Variants in ZNF274 observed in about 807,000 individuals in gnomAD.
ZNF274 encodes neurotrophin receptor-interacting factor homolog.
A neutral mutation model predicts 42.5 loss-of-function variants in ZNF274; 23 were observed. That is an observed-to-expected ratio of 0.54 (90% CI 0.39 to 0.77). ZNF274 has a LOEUF of 0.77. Among genes scored for constraint, ZNF274 ranks in the 30% least tolerant of loss-of-function variants. ZNF274 has a pLI of 0.00. For synonymous variants in ZNF274, 292 were observed against 305.4 expected, an observed-to-expected ratio of 0.96 and a Z score of 0.46; for missense variants, 679 against 806.5, an observed-to-expected ratio of 0.84 and a Z score of 1.91.
chr19:58,185,862 A>G, intron 3 of ZNF274, 24 bp downstream of exon 3: 1 of 1,355,598 alleles, frequency 7.4e-7, no homozygotes. Flanking sequence ...CCAGGTCAAG[A>G]AGGATCTGTG....
intron 4 of ZNF274, among the ~76,000 whole-genome samples, chr19:58,205,004 C>T (rs1322002124): frequency 6.6e-6 from 1 of 152,190 alleles, no homozygotes; most frequent in Non-Finnish European, 1.5e-5. Flanking sequence ...TATTGGCAGT[C>T]ATCTAAGTCC....
rs977442641 is a variant in ZNF274, at chr19:58,213,249, G to A, written c.*106G>A. ...ACTGAATGTGAAAGGGAAGTATTGAGTGAGGACATTCCCAAAACCAAAGGA... is the reference window on the plus strand; with the variant it reads ...ACTGAATGTGAAAGGGAAGTATTGAATGAGGACATTCCCAAAACCAAAGGA... On this transcript the variant is annotated 3_prime_UTR_variant, in exon 8 of 8. Transcript: ENST00000617501. The A allele has an allele frequency of 7.0e-7, 1 of 1,437,118 alleles. No homozygotes were observed. Among genetic ancestry groups the A allele is most frequent in the African/African-American group, 1.4e-5 (1 of 70,310 alleles). The allele number at this position is 1,437,118 out of a possible 1,614,324, so 89.0% of individuals were successfully genotyped here.
At chr19:58,195,613 T>C (rs1261154292) in intron 4 of ZNF274, among the ~76,000 whole-genome samples, 2 of 152,170 alleles carry the variant, frequency 1.3e-5, no homozygotes, top group African/African-American at 2.4e-5. Context: ...CTCTGTGTGC[T>C]TCTCGAGCTT....
At chr19:58,194,052 C>T (rs921283351) in intron 4 of ZNF274, among the ~76,000 whole-genome samples, 37 of 152,202 alleles carry the variant, frequency 2.4e-4, no homozygotes, top group African/African-American at 8.7e-4. Flanking sequence ...TGCTTGAGGC[C>T]AGATGTTTGA....
rs750555731 is a variant in ZNF274, at chr19:58,213,135, A to T, written c.1954A>T (p.Thr652Ser). 2.5e-6 allele frequency: 4 copies of T among 1,607,404 alleles called. No homozygotes were observed. The highest frequency in any genetic ancestry group is 1.7e-4 in the Middle Eastern group (1 of 6,022). Residue 652 changes from threonine (T) to serine (S), a missense_variant, in exon 8 of 8, where the codon ACC becomes TCC. Thr to Ser is a moderately conservative substitution (Grantham distance 58, BLOSUM62 1). This residue lies in a region of ZNF274 where 456 missense variants were observed against 590.1 expected (regional missense o/e 0.77). Coordinates refer to ENST00000617501, the MANE Select transcript of ZNF274 (RefSeq NM_133502.3). ...NRTKRKKKQP[T>S]S ...GACAAAGCGAAAGAAGAAACAGCCT[A>T]CCTCATAGCTCTCAAGCCAGTTGAA...
Position 58,211,616 on chromosome 19 carries a change from G to C in ZNF274, c.909G>C (p.Leu303=). The C allele has an allele frequency of 6.2e-7, 1 of 1,613,616 alleles. No individual in the cohort carries two copies. The highest frequency in any genetic ancestry group is 8.5e-7 in the Non-Finnish European group (1 of 1,179,698). The part of the protein sequence containing the change: ...AVDFSREEWG[L]LGPTQRTEYR... ...ACTTCAGCCGGGAGGAGTGGGGGCT[G>C]CTGGGCCCGACACAGAGGACCGAGT... Residue 303 remains leucine (L), a synonymous_variant, in exon 7 of 8, where the codon CTG becomes CTC. Transcript: ENST00000617501. This position sits in a 1 kb window ranked among gnomAD's most constrained non-coding sequence, Gnocchi z 4.8.
intron 4 of ZNF274, among the ~76,000 whole-genome samples, chr19:58,195,532 CAG>C (rs370991807): frequency 0.19 from 28,762 of 152,170 alleles, 3,530 homozygotes; most frequent in Middle Eastern, 0.36. Context: ...TTTCTCCCAA[CAG>C]TGGCATAGCT....
At position 58,212,592 on chromosome 19, in the gene ZNF274, A is replaced by G. The variant is rs774536786; in HGVS notation, c.1411A>G (p.Lys471Glu). Residue 471 changes from lysine (K) to glutamate (E), a missense_variant, in exon 8 of 8, where the codon AAG (lysine) becomes GAG (glutamate). Lys to Glu is a moderately conservative substitution (Grantham distance 56, BLOSUM62 1). This residue lies in a region of ZNF274 where 456 missense variants were observed against 590.1 expected (regional missense o/e 0.77). Coordinates refer to ENST00000617501, the MANE Select transcript of ZNF274 (RefSeq NM_133502.3). This position sits in a 1 kb window ranked among gnomAD's most constrained non-coding sequence, Gnocchi z 4.6. ...TAATTCACGTGTAAAAATTCATCAG[A>G]AGAGCTGTGAAAGGCAAAAGGCCAA... ...KHNSRVKIHQ[K>E]SCERQKAKEG... is the part of the protein sequence containing the mutation. 9 of 1,613,932 alleles carry G rather than the reference A, an allele frequency of 5.6e-6. No homozygotes were observed.
rs1033656322 is a variant in ZNF274, at chr19:58,206,987, C to T, written c.524C>T (p.Pro175Leu). ...TTCCGTTATAAGGACATGACAGGTC[C>T]CCGGGAGGCCCTGGACCAGCTCCGA... ...RQFRYKDMTG[P>L]REALDQLREL... Residue 175 changes from proline (P) to leucine (L), a missense_variant, in exon 5 of 8, where the codon CCC becomes CTC. By Grantham distance (98) the Pro-to-Leu change is moderately conservative (BLOSUM62 -3). This residue lies in a region of ZNF274 where 456 missense variants were observed against 590.1 expected (regional missense o/e 0.77). Coordinates refer to ENST00000617501, the MANE Select transcript of ZNF274 (RefSeq NM_133502.3). The T allele has an allele frequency of 1.9e-6, 3 of 1,609,754 alleles. No individual in the cohort carries two copies. The highest frequency in any genetic ancestry group is 2.5e-6 in the Non-Finnish European group (3 of 1,178,040).
chr19:58,189,907 G>A (rs1418843359), intron 4 of ZNF274, among the ~76,000 whole-genome samples: 2 of 151,828 alleles, frequency 1.3e-5, no homozygotes, highest in Admixed American at 6.6e-5. Flanking sequence ...GGCAGATCAT[G>A]AGGTCAAGAA....
chr19:58,188,760 G>T lies in ZNF274; in HGVS notation c.256+1718G>T, dbSNP rs138785207. Among the ~76,000 whole-genome samples, 716 of 139,908 alleles carry T rather than the reference G, an allele frequency of 5.1e-3. 7 individuals are homozygous for T. The highest frequency in any genetic ancestry group is 0.019 in the African/African-American group (694 of 37,004). The allele number at this position is 139,908 out of a possible 152,430, so 91.8% of individuals were successfully genotyped here. A position where few individuals can be genotyped will look rare whatever the true frequency, so the allele number is the denominator to read the frequency against. The stretch of plus-strand genomic sequence containing the variant: ...AATAGGCCAGGCACCAGGGGCTCAT[G>T]CCTATAATCCCAGCAATTTGGGAGT... On this transcript the variant is annotated intron_variant, in intron 4 of 7. Coordinates refer to ENST00000617501, the MANE Select transcript of ZNF274 (RefSeq NM_133502.3).
intron 4 of ZNF274, among the ~76,000 whole-genome samples, chr19:58,192,804 G>A (rs2075793395): frequency 6.6e-6 from 1 of 152,162 alleles, no homozygotes; most frequent in Non-Finnish European, 1.5e-5. Context: ...ACGTGTAGTG[G>A]CATGATCATG....
chr19:58,192,263 C>T (rs1015563294), intron 4 of ZNF274, among the ~76,000 whole-genome samples: 1 of 152,160 alleles, frequency 6.6e-6, no homozygotes, highest in Non-Finnish European at 1.5e-5. Context: ...ACAGCTCACT[C>T]TGGGTGGCTG....
chr19:58,208,961 A>T lies in ZNF274; in HGVS notation c.740-1000A>T, dbSNP rs2076008132. On this transcript the variant is annotated intron_variant, in intron 5 of 7. Coordinates refer to ENST00000617501, the MANE Select transcript of ZNF274 (RefSeq NM_133502.3). The surrounding 1 kb of genome is among the most constrained non-coding windows in gnomAD (Gnocchi z 4.5). ...TTCCAGAGAACCCTGAGAATCTCAC[A>T]TTATGTGATCAGTGTGTTAGTTGGG... 1.3e-5 allele frequency: 2 copies of T among 152,234 alleles called. No individual in the cohort carries two copies. The allele number at this position is 152,234 out of a possible 1,614,324, so 9.4% of individuals were successfully genotyped here.
intron 4 of ZNF274, among the ~76,000 whole-genome samples, chr19:58,197,893 C>A (rs1407465058): frequency 6.6e-6 from 1 of 152,142 alleles, no homozygotes; most frequent in Non-Finnish European, 1.5e-5. Context: ...CTGCCACCTC[C>A]CACATATCTG....
intron 4 of ZNF274, among the ~76,000 whole-genome samples, chr19:58,198,807 CT>C (rs59644027): frequency 0.38 from 49,830 of 131,442 alleles, 9,107 homozygotes; most frequent in Admixed American, 0.46. Flanking sequence ...TTAACTTTGA[CT>C]TTTTTTTTTT....
Position 58,212,168 on chromosome 19 carries a change from G to A in ZNF274, c.987G>A (p.Glu329=), listed in dbSNP as rs894302482. ...TFGHLVSVGW[E]TTLENKELAP... ...TTTGTTTATTTTTTTCAGGGTGGGA[G>A]ACTACACTGGAAAATAAAGAGTTAG... The change falls in exon 8 of 8, where the codon GAG becomes GAA. Residue 329 remains glutamate, a synonymous_variant. Coordinates refer to ENST00000617501, the MANE Select transcript of ZNF274 (RefSeq NM_133502.3). The surrounding 1 kb of genome is among the most constrained non-coding windows in gnomAD (Gnocchi z 4.6). The A allele has an allele frequency of 6.2e-7, 1 of 1,602,280 alleles. No individual in the cohort carries two copies. The highest frequency in any genetic ancestry group is 8.5e-7 in the Non-Finnish European group (1 of 1,177,968).
chr19:58,193,925 CA>C (rs1360164482), intron 4 of ZNF274, among the ~76,000 whole-genome samples: 3 of 151,486 alleles, frequency 2.0e-5, no homozygotes, highest in East Asian at 1.9e-4. Context: ...GAAACGGTCT[CA>C]AAAAAATATA....
chr19:58,196,622 G>C (rs759891473), intron 4 of ZNF274, among the ~76,000 whole-genome samples: 1 of 152,154 alleles, frequency 6.6e-6, no homozygotes, highest in Non-Finnish European at 1.5e-5. Flanking sequence ...TGAAAAATAA[G>C]TTTGATGAGG....
Sources: allele counts gnomAD v4.1 joint callset (sites outside exome capture counted in the v4.1 genomes callset), GRCh38; gene constraint gnomAD v4.1.1; regional missense constraint gnomAD v4.1.1; non-coding constraint Gnocchi (gnomAD v3.1); transcripts MANE v1.5; gene names NCBI Gene and HGNC (gene_info 2026-07-23, HGNC 2026-07-21).